The following NFILZ variants were observed in gnomAD, a reference collection of about 807,000 sequenced individuals.
NFILZ encodes the protein NFIL3 like protein.
chr19:8,678,143 ACTTGTCCG>A lies in NFILZ; in HGVS notation c.*509_*516del, dbSNP rs1555750988. Among the ~76,000 whole-genome samples the A allele has an allele frequency of 0.027, 75 of 2,766 alleles. 11 individuals are homozygous for A. Among genetic ancestry groups the A allele is most frequent in the Admixed American group, 0.029 (7 of 240 alleles). 1.8% of individuals were successfully genotyped at this position (2,766 alleles called of 152,430 possible). ...CATCCATCCCTCCATCCATTCATCC[ACTTGTCCG>A]TCCATCCATCCATCCATCCATCCAT... On this transcript the variant is annotated 3_prime_UTR_variant, in exon 6 of 6. Transcript: ENST00000691075.
Position 8,630,761 on chromosome 19 carries a change from G to C in NFILZ, c.-411+17G>C, listed in dbSNP as rs1359888965. 1.3e-5 allele frequency: 2 copies of C among 152,344 alleles called. No homozygotes were observed. The highest frequency in any genetic ancestry group is 1.3e-4 in the Admixed American group (2 of 15,240). 9.4% of individuals were successfully genotyped at this position (152,344 alleles called of 1,614,324 possible). A position where few individuals can be genotyped will look rare whatever the true frequency, so the allele number is the denominator to read the frequency against. On this transcript the variant is annotated intron_variant, in intron 1 of 5. Coordinates refer to ENST00000691075, the MANE Select transcript of NFILZ (RefSeq NM_001378600.1). ...GGAAGCAAGGTGGTAATGATGAGAG[G>C]CTGAGTCTTCCTTCCCATGCCTTGG...
At chr19:8,659,289 G>A (rs2043019211) in intron 3 of NFILZ, among the ~76,000 whole-genome samples, 1 of 152,090 alleles carries the variant, frequency 6.6e-6, no homozygotes, top group African/African-American at 2.4e-5. Flanking sequence ...AGACATTAAT[G>A]AAATAATTAC....
At position 8,635,646 on chromosome 19, in the gene NFILZ, A is replaced by T. The variant is rs1035856467; in HGVS notation, c.-260-4A>T. ...TCACCATGCATCCATTCATTTGTTG[A>T]CAGACACGTGAGTTGTTTCCAGTTT... is the stretch of plus-strand genomic sequence containing the variant. On this transcript the variant is annotated splice_polypyrimidine_tract_variant and splice_region_variant and intron_variant, in intron 2 of 5. Transcript: ENST00000691075. 3 of 152,140 alleles carry T rather than the reference A, an allele frequency of 2.0e-5. No individual in the cohort carries two copies. The South Asian group carries it at 6.2e-4, about 31-fold the overall frequency. 9.4% of individuals were successfully genotyped at this position (152,140 alleles called of 1,614,324 possible).
chr19:8,663,787 T>TGTGTGTGTGTGTA (rs2043048906), intron 3 of NFILZ, among the ~76,000 whole-genome samples: 3 of 148,844 alleles, frequency 2.0e-5, no homozygotes, highest in African/African-American at 5.0e-5. Flanking sequence ...TGTGTGTTTG[T>TGTGTGTGTGTGTA]TGTGGGGGGG....
intron 3 of NFILZ, among the ~76,000 whole-genome samples, chr19:8,655,440 T>G (rs8112961): frequency 0.027 from 4,079 of 152,230 alleles, 180 homozygotes; most frequent in African/African-American, 0.094. Context: ...GTCTGGGCCA[T>G]CCCACAGCAC....
intron 3 of NFILZ, among the ~76,000 whole-genome samples, chr19:8,646,717 C>T (rs1469144365): frequency 6.6e-6 from 1 of 152,202 alleles, no homozygotes; most frequent in Non-Finnish European, 1.5e-5. Context: ...TCACTCAGCC[C>T]TCACCGAGCT....
chr19:8,672,056 C>CATTT lies in NFILZ; in HGVS notation c.-163-2493_-163-2490dup, dbSNP rs575333944. ...TCCTTCATCTGCTCATTCATTCATT[C>CATTT]ATTTACCCACGCTTCACTCAATTTT... On this transcript the variant is annotated intron_variant, in intron 3 of 5. Coordinates refer to ENST00000691075, the MANE Select transcript of NFILZ (RefSeq NM_001378600.1). Among the ~76,000 whole-genome samples the CATTT allele has an allele frequency of 2.3e-4, 35 of 152,336 alleles. No homozygotes were observed. The East Asian group carries it at 6.4e-3, about 28-fold the overall frequency.
intron 3 of NFILZ, among the ~76,000 whole-genome samples, chr19:8,642,071 G>A (rs1194003123): frequency 1.3e-5 from 2 of 151,972 alleles, no homozygotes; most frequent in Non-Finnish European, 2.9e-5. Context: ...TGAACTCTTG[G>A]GCTCAAGTGA....
At chr19:8,650,497 T>C (rs2042960297) in intron 3 of NFILZ, among the ~76,000 whole-genome samples, 1 of 151,512 alleles carries the variant, frequency 6.6e-6, no homozygotes. Flanking sequence ...CTACTAAAAA[T>C]ACAAAAATTA....
intron 3 of NFILZ, among the ~76,000 whole-genome samples, chr19:8,652,149 C>T (rs1160937600): frequency 6.8e-6 from 1 of 148,066 alleles, no homozygotes; most frequent in Admixed American, 6.9e-5. Flanking sequence ...GTCGCCGAGG[C>T]TGGAGTGCGG....
intron 3 of NFILZ, among the ~76,000 whole-genome samples, chr19:8,646,172 G>T (rs1253234592): frequency 2.0e-5 from 3 of 152,016 alleles, no homozygotes; most frequent in Non-Finnish European, 4.4e-5. Flanking sequence ...GAGTAGCTGG[G>T]ATTATAGGTG....
chr19:8,641,823 T>C (rs887260227), intron 3 of NFILZ, among the ~76,000 whole-genome samples: 36 of 138,996 alleles, frequency 2.6e-4, no homozygotes, highest in African/African-American at 8.6e-4. Context: ...CCTTAATAAA[T>C]GATAGCTTTT....
chr19:8,647,795 GCACA>G (rs879996864), intron 3 of NFILZ, among the ~76,000 whole-genome samples: 787 of 76,240 alleles, frequency 0.01, 12 homozygotes, highest in East Asian at 0.057. Context: ...GCGCGCGCGC[GCACA>G]CACACACACA....
At chr19:8,648,267 G>A (rs1314197134) in intron 3 of NFILZ, among the ~76,000 whole-genome samples, 4 of 150,848 alleles carry the variant, frequency 2.7e-5, no homozygotes, top group Non-Finnish European at 5.9e-5. Context: ...CATGACACAC[G>A]TTTACCTATG....
At chr19:8,656,310 G>A (rs77147619) in intron 3 of NFILZ, among the ~76,000 whole-genome samples, 4 of 38,794 alleles carry the variant, frequency 1.0e-4, no homozygotes, top group East Asian at 6.8e-4. Context: ...CTCCCGCAGC[G>A]CACCTCCTCC....
At chr19:8,651,085 G>A (rs2042962853) in intron 3 of NFILZ, among the ~76,000 whole-genome samples, 1 of 152,256 alleles carries the variant, frequency 6.6e-6, no homozygotes, top group Admixed American at 6.5e-5. Context: ...CAGGGTAATT[G>A]TGACGTCCAT....
intron 3 of NFILZ, among the ~76,000 whole-genome samples, chr19:8,655,761 C>A (rs2042989268): frequency 6.6e-6 from 1 of 152,112 alleles, no homozygotes. Context: ...CCCCTCCACC[C>A]TCTCAACTCT....
At chr19:8,636,036 C>A (rs1187468600) in intron 3 of NFILZ, among the ~76,000 whole-genome samples, 1 of 151,898 alleles carries the variant, frequency 6.6e-6, no homozygotes, top group African/African-American at 2.4e-5. Flanking sequence ...GGGGTTTCAC[C>A]GTATTGCCCA....
chr19:8,637,911 T>TAAAAAAAAA, intron 3 of NFILZ, among the ~76,000 whole-genome samples: 1 of 800 alleles, frequency 1.3e-3, no homozygotes, highest in African/African-American at 2.4e-3. Flanking sequence ...AAAGATGGTC[T>TAAAAAAAAA]CAAAAAAAAA....
Sources: allele counts gnomAD v4.1 joint callset (sites outside exome capture counted in the v4.1 genomes callset), GRCh38; gene constraint gnomAD v4.1.1; transcripts MANE v1.5; gene names NCBI Gene and HGNC (gene_info 2026-07-23, HGNC 2026-07-21).